Variants in PALM2AKAP2 observed in about 807,000 individuals in gnomAD.
PALM2AKAP2 encodes PALM2-AKAP2 fusion protein.
In PALM2AKAP2, 37 loss-of-function variants were observed where a neutral mutation model predicts 71.5. That is an observed-to-expected ratio of 0.52 (90% CI 0.40 to 0.68). The LOEUF (loss-of-function observed/expected upper bound fraction) is 0.68. PALM2AKAP2 is among the 30% of genes least tolerant of loss of function. The pLI, the probability that PALM2AKAP2 is intolerant of heterozygous loss-of-function variation, is 0.00. For synonymous variants in PALM2AKAP2, 468 were observed against 478.8 expected (o/e 0.98, Z 0.29); for missense variants, 1,224 against 1,191.8 (o/e 1.03, Z -0.40).
At chr9:109,648,820 G>A (rs1304601335) in intron 1 of PALM2AKAP2, among the ~76,000 whole-genome samples, 4 of 152,168 alleles carry the variant, frequency 2.6e-5, no homozygotes, top group African/African-American at 7.2e-5. Context: ...TTAGTTAAAA[G>A]GGTTTGTTTT....
At chr9:110,022,261 C>T (rs931369785) in intron 7 of PALM2AKAP2, among the ~76,000 whole-genome samples, 8 of 152,092 alleles carry the variant, frequency 5.3e-5, no homozygotes, top group Admixed American at 3.9e-4. Context: ...GAGCTTTGCA[C>T]GGTGGTGGGA....
At position 109,718,613 on chromosome 9, in the gene PALM2AKAP2, G is replaced by C. The variant is rs138422852; in HGVS notation, c.6-61875G>C. ...TTGGAGTAATACTAGATTTGCAGAA[G>C]AGTTGCAAAGGTAGTACAGAGAAGT... On this transcript the variant is annotated intron_variant, in intron 1 of 6. Coordinates refer to the PALM2AKAP2 transcript ENST00000374531. 3.8e-4 allele frequency among the ~76,000 whole-genome samples: 58 copies of C among 151,960 alleles called. 1 individual carries two copies. The East Asian group carries it at 8.5e-3, about 22-fold the overall frequency.
intron 1 of PALM2AKAP2, among the ~76,000 whole-genome samples, chr9:109,752,229 A>G (rs1828896800): frequency 6.6e-6 from 1 of 152,144 alleles, no homozygotes; most frequent in Non-Finnish European, 1.5e-5. Flanking sequence ...AATGAAGACC[A>G]GTTAGAGTGA....
chr9:109,794,743 A>G (rs1186484814), intron 1 of PALM2AKAP2, among the ~76,000 whole-genome samples: 2 of 152,176 alleles, frequency 1.3e-5, no homozygotes, highest in Non-Finnish European at 2.9e-5. Flanking sequence ...ACCAGCTACA[A>G]TTTTGAGTCT....
intron 6 of PALM2AKAP2, among the ~76,000 whole-genome samples, chr9:109,967,994 A>G (rs1008403060): frequency 1.3e-5 from 2 of 152,220 alleles, no homozygotes; most frequent in African/African-American, 2.4e-5. Flanking sequence ...TTTCTCTGCA[A>G]TAGTTCTGGT....
chr9:109,666,970 C>T (rs1399297905), intron 1 of PALM2AKAP2, among the ~76,000 whole-genome samples: 1 of 152,212 alleles, frequency 6.6e-6, no homozygotes, highest in East Asian at 1.9e-4. Flanking sequence ...GGGGACCTAA[C>T]AGCCCCCTTC....
chr9:110,023,237 C>T (rs1833106465), intron 7 of PALM2AKAP2, among the ~76,000 whole-genome samples: 1 of 150,516 alleles, frequency 6.6e-6, no homozygotes, highest in Non-Finnish European at 1.5e-5. Flanking sequence ...CTCTCCAGCA[C>T]CTGTTTTTTC....
At chr9:110,065,429 G>C (rs1440320601) in intron 1 of PALM2AKAP2, among the ~76,000 whole-genome samples, 1 of 152,132 alleles carries the variant, frequency 6.6e-6, no homozygotes, top group African/African-American at 2.4e-5. Context: ...GTCACACCAT[G>C]TTGTCCAGGC....
chr9:109,861,777 T>C (rs1396423706), intron 1 of PALM2AKAP2, among the ~76,000 whole-genome samples: 2 of 152,254 alleles, frequency 1.3e-5, no homozygotes, highest in African/African-American at 2.4e-5. Context: ...ATTTATTTCA[T>C]GTGGGTTAAT....
chr9:110,126,360 G>A lies in PALM2AKAP2; in HGVS notation c.157-9767G>A, dbSNP rs148042438. On this transcript the variant is annotated intron_variant, in intron 1 of 3. Coordinates refer to ENST00000374525, the Ensembl canonical transcript of PALM2AKAP2. ...ATCTGGAACTATTTTTAAACCAAGA[G>A]GGACACAGCAAATTTATAAAGAACT... Among the ~76,000 whole-genome samples the A allele has an allele frequency of 7.2e-4, 110 of 152,326 alleles. No homozygotes were observed. The East Asian group carries it at 0.018, about 25-fold the overall frequency.
At chr9:109,851,205 ACAAC>A (rs1174289662) in intron 1 of PALM2AKAP2, among the ~76,000 whole-genome samples, 34 of 47,012 alleles carry the variant, frequency 7.2e-4, no homozygotes, top group African/African-American at 2.7e-3. Context: ...AACAACAACA[ACAAC>A]AAAAAAAAAA....
In PALM2AKAP2 at chr9:110,019,879, A is replaced by G. The variant is rs114260873; in HGVS notation, c.582+3840A>G. 8.4e-3 allele frequency among the ~76,000 whole-genome samples: 1,278 copies of G among 152,286 alleles called. 25 individuals carry two copies. The highest frequency in any genetic ancestry group is 0.029 in the African/African-American group (1,211 of 41,546). On this transcript the variant is annotated intron_variant, in intron 7 of 9. Transcript: ENST00000302798. ...GGGTGATGGGTTCAGTAGAAGTCCA[A>G]ATCCCAGCATTACGTAATATACCTT...
At chr9:110,054,268 G>A (rs58850473) in intron 1 of PALM2AKAP2, among the ~76,000 whole-genome samples, 14,729 of 152,178 alleles carry the variant, frequency 0.097, 730 homozygotes, top group Middle Eastern at 0.2. Context: ...GTGTGGTGGC[G>A]CATGCCTGTA....
intron 1 of PALM2AKAP2, among the ~76,000 whole-genome samples, chr9:109,669,720 A>G (rs1489907569): frequency 7.3e-6 from 1 of 136,866 alleles, no homozygotes; most frequent in Non-Finnish European, 1.6e-5. Flanking sequence ...TACTTTTTAA[A>G]ATTTATTGAC....
chr9:109,659,833 C>T (rs1372966510), intron 1 of PALM2AKAP2, among the ~76,000 whole-genome samples: 3 of 152,044 alleles, frequency 2.0e-5, no homozygotes, highest in South Asian at 2.1e-4. Context: ...AAGTGCACTT[C>T]GAAAAAACTT....
intron 6 of PALM2AKAP2, among the ~76,000 whole-genome samples, chr9:109,983,746 T>C (rs944127397): frequency 6.6e-6 from 1 of 151,804 alleles, no homozygotes; most frequent in African/African-American, 2.4e-5. Flanking sequence ...ATGCCTGTAA[T>C]CCGAGCTACT....
intron 6 of PALM2AKAP2, among the ~76,000 whole-genome samples, chr9:109,940,484 C>T (rs1460271927): frequency 6.6e-6 from 1 of 152,126 alleles, no homozygotes; most frequent in East Asian, 1.9e-4. Context: ...TTAACAAAAG[C>T]AGAAGATATT....
chr9:109,925,151 A>C (rs1321242152), intron 5 of PALM2AKAP2, 69 bp downstream of exon 5: 4 of 1,602,072 alleles, frequency 2.5e-6, no homozygotes, highest in Non-Finnish European at 3.4e-6. Context: ...TTTCATTAAC[A>C]GGGGCTTAAG....
chr9:109,813,510 A>C (rs578198454), intron 1 of PALM2AKAP2, among the ~76,000 whole-genome samples: 69 of 150,636 alleles, frequency 4.6e-4, no homozygotes, highest in Non-Finnish European at 4.0e-4. Context: ...TGACGTCAGC[A>C]TTTTTCCCAT....
Sources: allele counts gnomAD v4.1 joint callset (sites outside exome capture counted in the v4.1 genomes callset), GRCh38; gene constraint gnomAD v4.1.1; transcripts MANE v1.5; gene names NCBI Gene and HGNC (gene_info 2026-07-23, HGNC 2026-07-21).